Variants in RNF125 observed in about 807,000 individuals in gnomAD.
RNF125 encodes ring finger protein 125.
Under a neutral mutation model 26.0 loss-of-function variants are expected in RNF125, and 21 were observed. The observed-to-expected ratio is 0.81, with a 90% CI of 0.57 to 1.16. The LOEUF (loss-of-function observed/expected upper bound fraction) is 1.16. RNF125 is among the 50% of genes most tolerant of loss of function. The pLI is 0.00. For missense variants in RNF125, 270 were observed against 299.4 expected, an observed-to-expected ratio of 0.90 and a Z score of 0.72; for synonymous variants, 95 against 109.2, an observed-to-expected ratio of 0.87 and a Z score of 0.81.
In RNF125 at chr18:32,019,010, G is replaced by A; in HGVS notation, c.147G>A (p.Arg49=). 1 of 1,613,092 alleles carries A rather than the reference G, an allele frequency of 6.2e-7. No homozygotes were observed. Among genetic ancestry groups the A allele is most frequent in the Non-Finnish European group, 8.5e-7 (1 of 1,179,578 alleles). Residue 49 remains arginine, a synonymous_variant, in exon 1 of 6, where the codon CGG becomes CGA. Coordinates refer to ENST00000217740, the MANE Select transcript of RNF125 (RefSeq NM_017831.4). ...VCLEVLHQPV[R]TRCGHVFCRS... The stretch of plus-strand genomic sequence containing the variant: ...TTGAGGTGTTACACCAGCCTGTCCG[G>A]ACCCGCTGTGGCCACGTGTAAGTTC...
At chr18:32,063,227 CAAAAAAA>C (rs34268640) in intron 4 of RNF125, among the ~76,000 whole-genome samples, 1 of 98,930 alleles carries the variant, frequency 1.0e-5, no homozygotes, top group East Asian at 3.1e-4. Flanking sequence ...AACTCCATTT[CAAAAAAA>C]AAAAAAAAAA....
intron 3 of RNF125, among the ~76,000 whole-genome samples, chr18:32,044,047 C>T (rs2039244995): frequency 6.6e-6 from 1 of 151,886 alleles, no homozygotes; most frequent in South Asian, 2.1e-4. Context: ...TGCTCTGTCA[C>T]CCAGGCTGGA....
At chr18:32,038,360 A>G (rs1219836453) in intron 2 of RNF125, among the ~76,000 whole-genome samples, 5 of 152,020 alleles carry the variant, frequency 3.3e-5, no homozygotes, top group African/African-American at 2.4e-5. Context: ...CCAATTTCAT[A>G]TATGTACATA....
At chr18:32,019,497 GTT>G (rs2038965028) in intron 1 of RNF125, among the ~76,000 whole-genome samples, 1 of 152,200 alleles carries the variant, frequency 6.6e-6, no homozygotes, top group Non-Finnish European at 1.5e-5. Flanking sequence ...ACCCGGGTCC[GTT>G]TTGTTTTGCT....
At chr18:32,034,900 C>T (rs921567709) in intron 1 of RNF125, among the ~76,000 whole-genome samples, 1 of 113,746 alleles carries the variant, frequency 8.8e-6, no homozygotes, top group East Asian at 2.9e-4. Context: ...AACTCCATCT[C>T]AAAAAAAAAA....
chr18:32,035,458 G>A (rs2039143592), intron 1 of RNF125, among the ~76,000 whole-genome samples: 2 of 152,192 alleles, frequency 1.3e-5, no homozygotes, highest in Admixed American at 6.6e-5. Context: ...GAAAATAGCT[G>A]TGCCTGCCCA....
At chr18:32,065,463 C>T (rs2039475360) in intron 4 of RNF125, among the ~76,000 whole-genome samples, 1 of 151,814 alleles carries the variant, frequency 6.6e-6, no homozygotes. Flanking sequence ...GTCTTGAACT[C>T]CTGACCTCGT....
At chr18:32,041,928 C>A in intron 2 of RNF125, 1 of 386,020 alleles carries the variant, frequency 2.6e-6, no homozygotes, top group Non-Finnish European at 4.8e-6. Context: ...CCGCGCCCGG[C>A]CGTATATGCT....
At chr18:32,045,010 T>A (rs1385385055) in intron 3 of RNF125, among the ~76,000 whole-genome samples, 1 of 151,106 alleles carries the variant, frequency 6.6e-6, no homozygotes, top group African/African-American at 2.4e-5. Flanking sequence ...CTGAGCTACT[T>A]GGGAGGCTGA....
intron 4 of RNF125, among the ~76,000 whole-genome samples, chr18:32,047,182 G>A (rs1374371606): frequency 2.0e-5 from 3 of 152,168 alleles, no homozygotes; most frequent in African/African-American, 4.8e-5. Context: ...GACTACAGGC[G>A]TGCGCCACCA....
At chr18:32,056,951 TAAAG>T (rs1185588775) in intron 4 of RNF125, among the ~76,000 whole-genome samples, 5 of 152,294 alleles carry the variant, frequency 3.3e-5, no homozygotes, top group African/African-American at 1.2e-4. Context: ...ATTGAGCTAA[TAAAG>T]ATTTTTACAC....
chr18:32,060,897 C>T (rs1011023226), intron 4 of RNF125, among the ~76,000 whole-genome samples: 1 of 152,220 alleles, frequency 6.6e-6, no homozygotes. Flanking sequence ...CAATGGCTTG[C>T]ACCTGTAATC....
chr18:32,025,916 C>G (rs2039029817), intron 1 of RNF125, among the ~76,000 whole-genome samples: 1 of 151,838 alleles, frequency 6.6e-6, no homozygotes, highest in Admixed American at 6.6e-5. Flanking sequence ...AAGGCCAATA[C>G]AGTTTTAGTT....
chr18:32,057,990 G>A lies in RNF125; in HGVS notation c.505-7912G>A, dbSNP rs573773676. 2.6e-5 allele frequency among the ~76,000 whole-genome samples: 4 copies of A among 152,138 alleles called. No individual in the cohort carries two copies. The East Asian group carries it at 7.8e-4, about 30-fold the overall frequency. ...TTCCTTTAAAGCGCTAAAGTGGCCA[G>A]GCACCGTGGCTTATGCCAGTAGTCC... On this transcript the variant is annotated intron_variant, in intron 4 of 5. Coordinates refer to ENST00000217740, the MANE Select transcript of RNF125 (RefSeq NM_017831.4).
In RNF125 at chr18:32,018,935, C is replaced by T. The variant is rs371919136; in HGVS notation, c.72C>T (p.Arg24=). ...CTGCCACCGCGCGGGCCCTGGAGCG[C>T]AGGAGGGACCCGGAGTTGCCCGTCA... ...PASATARALE[R]RRDPELPVTS... The change falls in exon 1 of 6, where the codon CGC becomes CGT. Residue 24 remains arginine (R), a synonymous_variant. Coordinates refer to ENST00000217740, the MANE Select transcript of RNF125 (RefSeq NM_017831.4). 10 of 1,613,026 alleles carry T rather than the reference C, an allele frequency of 6.2e-6. No homozygotes were observed. The highest frequency in any genetic ancestry group is 1.3e-5 in the African/African-American group (1 of 74,880).
intron 2 of RNF125, 65 bp downstream of exon 2, chr18:32,037,334 C>A (rs2039167384): frequency 5.5e-5 from 46 of 836,724 alleles, no homozygotes; most frequent in Non-Finnish European, 7.6e-5. Flanking sequence ...GTTATCATTT[C>A]ACCTCTGCTT....
chr18:32,059,141 G>A (rs2039412885), intron 4 of RNF125, among the ~76,000 whole-genome samples: 1 of 152,180 alleles, frequency 6.6e-6, no homozygotes, highest in African/African-American at 2.4e-5. Context: ...ATACCTGGGA[G>A]TAGGATTGCT....
intron 3 of RNF125, among the ~76,000 whole-genome samples, chr18:32,044,339 T>C (rs2039247945): frequency 6.6e-6 from 1 of 152,130 alleles, no homozygotes; most frequent in Non-Finnish European, 1.5e-5. Flanking sequence ...TAATTCAAAA[T>C]TTTCTAGTAG....
downstream of RNF125, chr18:32,076,222 G>A: frequency 2.2e-6 from 1 of 461,512 alleles, no homozygotes; most frequent in Non-Finnish European, 4.1e-6. Context: ...CTCTCTTTTT[G>A]GCATTGTTGA....
Sources: allele counts gnomAD v4.1 joint callset (sites outside exome capture counted in the v4.1 genomes callset), GRCh38; gene constraint gnomAD v4.1.1; transcripts MANE v1.5; gene names NCBI Gene and HGNC (gene_info 2026-07-23, HGNC 2026-07-21).